Variants in SPON1 observed in about 807,000 individuals in gnomAD.
The protein encoded by SPON1 is spondin 1, also known as spondin-1.
SPON1 carries 52 observed loss-of-function variants against 111.7 expected under a neutral mutation model. The observed-to-expected ratio is 0.47, with a 90% CI of 0.37 to 0.59. The LOEUF (loss-of-function observed/expected upper bound fraction) is 0.59, where lower values mean the gene tolerates loss of function less well. Among genes scored for constraint, SPON1 ranks in the 20% least tolerant of loss-of-function variants. SPON1 has a pLI of 0.00. For missense variants in SPON1, 957 were observed against 1,068.5 expected, an observed-to-expected ratio of 0.90 and a Z score of 1.46; for synonymous variants, 410 against 395.8, an observed-to-expected ratio of 1.04 and a Z score of -0.43.
chr11:14,131,081 C>T (rs1227394635), intron 5 of SPON1, among the ~76,000 whole-genome samples: 2 of 152,160 alleles, frequency 1.3e-5, no homozygotes, highest in African/African-American at 2.4e-5. Context: ...TTTCCAATGC[C>T]ATTTACCACC....
At chr11:14,003,192 G>A (rs781832777) in intron 2 of SPON1, among the ~76,000 whole-genome samples, 1 of 152,154 alleles carries the variant, frequency 6.6e-6, no homozygotes, top group Non-Finnish European at 1.5e-5. Flanking sequence ...GCCCCAAAAA[G>A]TGGCAGCAGG....
chr11:14,046,864 G>A (rs1289684173), intron 3 of SPON1, among the ~76,000 whole-genome samples: 8 of 152,106 alleles, frequency 5.3e-5, no homozygotes, highest in East Asian at 1.9e-4. Context: ...TTGGTCTTTC[G>A]TATCCTTCTT....
intron 5 of SPON1, among the ~76,000 whole-genome samples, chr11:14,124,680 C>T (rs1270942482): frequency 4.6e-5 from 7 of 152,018 alleles, no homozygotes; most frequent in Non-Finnish European, 8.8e-5. Context: ...TCAACTCTGC[C>T]GTTGTAGCAT....
At chr11:14,035,857 A>C (rs959966797) in intron 2 of SPON1, among the ~76,000 whole-genome samples, 56 of 152,160 alleles carry the variant, frequency 3.7e-4, no homozygotes, top group African/African-American at 1.2e-3. Flanking sequence ...AGCTCAAGCA[A>C]TCCTCTTGCC....
intron 6 of SPON1, among the ~76,000 whole-genome samples, chr11:14,221,728 C>G (rs951170450): frequency 4.6e-5 from 7 of 152,192 alleles, no homozygotes; most frequent in South Asian, 2.1e-4. Context: ...TCTGCTCCCC[C>G]CATCTTCACA....
intron 6 of SPON1, among the ~76,000 whole-genome samples, chr11:14,239,799 T>C (rs946461754): frequency 6.6e-6 from 1 of 152,246 alleles, no homozygotes; most frequent in African/African-American, 2.4e-5. Flanking sequence ...CCAGAGCTTA[T>C]GCTTCTCAAC....
At chr11:14,019,758 A>G (rs938041759) in intron 2 of SPON1, among the ~76,000 whole-genome samples, 6 of 152,132 alleles carry the variant, frequency 3.9e-5, no homozygotes, top group African/African-American at 9.7e-5. Context: ...TTTCTCTTCT[A>G]TTCCATAAAA....
In SPON1 at chr11:14,113,568, ATTTTTTTTTTTTTTTTTTTTTTTTTTT is replaced by A. The variant is rs782780924; in HGVS notation, c.677-21826_677-21800del. Among the ~76,000 whole-genome samples, 36 of 74,754 alleles carry A rather than the reference ATTTTTTTTTTTTTTTTTTTTTTTTTTT, an allele frequency of 4.8e-4. 3 individuals are homozygous for A. Among genetic ancestry groups the A allele is most frequent in the African/African-American group, 1.2e-3 (23 of 18,794 alleles). 49.0% of individuals were successfully genotyped at this position (74,754 alleles called of 152,430 possible). A position where few individuals can be genotyped will look rare whatever the true frequency, so the allele number is the denominator to read the frequency against. ...AAGTCACCTCCTATGTACTTTTTAA[ATTTTTTTTTTTTTTTTTTTTTTTTTTT>A]TTTTTTTTTTTTTTTTTTTTTTTTT... On this transcript the variant is annotated intron_variant, in intron 5 of 15. Transcript: ENST00000576479.
chr11:13,986,029 T>G (rs1848179861), intron 2 of SPON1, among the ~76,000 whole-genome samples: 2 of 152,236 alleles, frequency 1.3e-5, no homozygotes, highest in African/African-American at 4.8e-5. Flanking sequence ...CCAAAGCTGT[T>G]ATCTTTGGAG....
Position 14,135,661 on chromosome 11 carries a change from C to A in SPON1, c.825+93C>A. On this transcript the variant is annotated intron_variant, in intron 6 of 15. Transcript: ENST00000576479. The surrounding 1 kb of genome is among the most constrained non-coding windows in gnomAD (Gnocchi z 4.4). ...TCCCAGGGGCTTGAAATTTGCAGTA[C>A]AATGTGGTGGAAGAAAATCTATTTG... is the stretch of plus-strand genomic sequence containing the variant. 1.6e-6 allele frequency: 2 copies of A among 1,288,486 alleles called. No homozygotes were observed. The highest frequency in any genetic ancestry group is 2.2e-6 in the Non-Finnish European group (2 of 920,322). 79.8% of individuals were successfully genotyped at this position (1,288,486 alleles called of 1,614,324 possible). A position where few individuals can be genotyped will look rare whatever the true frequency, so the allele number is the denominator to read the frequency against.
chr11:14,260,876 G>A (rs898010279), intron 14 of SPON1, 124 bp downstream of exon 14: 2 of 1,139,924 alleles, frequency 1.8e-6, no homozygotes, highest in Non-Finnish European at 2.4e-6. Flanking sequence ...AGAGTTTGGG[G>A]TTTGGCTTTC....
At chr11:14,222,279 G>C (rs1411559873) in intron 6 of SPON1, among the ~76,000 whole-genome samples, 3 of 152,208 alleles carry the variant, frequency 2.0e-5, no homozygotes, top group Non-Finnish European at 4.4e-5. Context: ...TCATCAAGTT[G>C]TGACAGGTGA....
chr11:14,251,776 G>A (rs374683459), intron 7 of SPON1, among the ~76,000 whole-genome samples: 3 of 152,308 alleles, frequency 2.0e-5, no homozygotes, highest in African/African-American at 7.2e-5. Flanking sequence ...CCAGAACCCC[G>A]TCCTGTGAGT....
At chr11:14,256,075 C>T (rs1849103940) in intron 9 of SPON1, among the ~76,000 whole-genome samples, 1 of 152,210 alleles carries the variant, frequency 6.6e-6, no homozygotes, top group East Asian at 1.9e-4. Context: ...GGTGAAACCC[C>T]ATCTCTACTA....
chr11:14,265,381 T>C (rs1849252988), intron 15 of SPON1, 143 bp from the exon 16 acceptor site: 2 of 944,590 alleles, frequency 2.1e-6, no homozygotes, highest in Non-Finnish European at 1.5e-6. Flanking sequence ...GACCTAACTG[T>C]CCCTAATAAC....
At chr11:13,991,951 C>T (rs554381252) in intron 2 of SPON1, among the ~76,000 whole-genome samples, 1 of 152,294 alleles carries the variant, frequency 6.6e-6, no homozygotes, top group South Asian at 2.1e-4. Context: ...TAGAGGGGCA[C>T]CTGCCAGATG....
At chr11:14,050,247 T>C (rs1554918334) in intron 3 of SPON1, among the ~76,000 whole-genome samples, 1 of 152,198 alleles carries the variant, frequency 6.6e-6, no homozygotes, top group Non-Finnish European at 1.5e-5. Flanking sequence ...TAGGAACTCC[T>C]CCCCACACAG....
At position 14,259,316 on chromosome 11, in the gene SPON1, G is replaced by C. The variant is rs782764780; in HGVS notation, c.1529G>C (p.Trp510Ser). The change falls in exon 12 of 16, where the codon TGG becomes TCG. Residue 510 changes from tryptophan (W) to serine (S), a missense_variant. Physicochemically the swap from Trp to Ser is radical, Grantham distance 177. Around this residue, in one of 5 missense-constraint regions of SPON1, gnomAD observed 549 missense variants for 606.2 expected, o/e 0.91. Coordinates refer to ENST00000576479, the MANE Select transcript of SPON1 (RefSeq NM_006108.4). This position sits in a 1 kb window ranked among gnomAD's most constrained non-coding sequence, Gnocchi z 5.0. ...TGCACCATGTCCGAGTGGATCACCT[G>C]GTCGCCCTGCAGCATCTCCTGCGGC... is the stretch of plus-strand genomic sequence containing the variant. ...STCTMSEWITWSPCSISCGMG... is the reference protein window; with the variant it reads ...STCTMSEWITSSPCSISCGMG... 6.2e-7 allele frequency: 1 copy of C among 1,612,922 alleles called. No individual in the cohort carries two copies. The highest frequency in any genetic ancestry group is 1.1e-5 in the South Asian group (1 of 90,768).
intron 6 of SPON1, among the ~76,000 whole-genome samples, chr11:14,209,612 T>C (rs1201691033): frequency 5.3e-5 from 8 of 152,318 alleles, no homozygotes; most frequent in East Asian, 3.9e-4. Flanking sequence ...TATGGCTGCA[T>C]AGTATTCCAT....
Sources: allele counts gnomAD v4.1 joint callset (sites outside exome capture counted in the v4.1 genomes callset), GRCh38; gene constraint gnomAD v4.1.1; regional missense constraint gnomAD v4.1.1; non-coding constraint Gnocchi (gnomAD v3.1); transcripts MANE v1.5; gene names NCBI Gene and HGNC (gene_info 2026-07-23, HGNC 2026-07-21).